The following OR2C1 variants were observed in gnomAD, a reference collection of about 807,000 sequenced individuals.
OR2C1 encodes olfactory receptor family 2 subfamily C member 1, also known as olfactory receptor 2C1.
For synonymous variants in OR2C1, 209 were observed against 167.3 expected (o/e 1.25, Z -1.92); for missense variants, 468 against 388.3 (o/e 1.21, Z -1.73).
upstream of OR2C1, among the ~76,000 whole-genome samples, chr16:3,351,718 C>G (rs1345801616): frequency 6.6e-6 from 1 of 152,108 alleles, no homozygotes; most frequent in Non-Finnish European, 1.5e-5. Context: ...CATGGAACCT[C>G]CTTTTGTTCA....
chr16:3,340,356 A>G, the OR2C1 span, among the ~76,000 whole-genome samples: 27 of 152,162 alleles, frequency 1.8e-4, no homozygotes, highest in African/African-American at 6.5e-4. Context: ...TATATATTCT[A>G]GATATTAAAC....
chr16:3,330,337 C>T, the OR2C1 span, among the ~76,000 whole-genome samples: 6 of 151,774 alleles, frequency 4.0e-5, no homozygotes, highest in African/African-American at 1.5e-4. Flanking sequence ...AGGATGGTCT[C>T]GATCTCCTGA....
the OR2C1 span, among the ~76,000 whole-genome samples, chr16:3,339,648 G>A: frequency 6.6e-6 from 1 of 151,900 alleles, no homozygotes; most frequent in Admixed American, 6.6e-5. Context: ...AGTAGACATG[G>A]GGTTTCACCG....
upstream of OR2C1, among the ~76,000 whole-genome samples, chr16:3,352,181 A>C (rs1291787420): frequency 4.6e-5 from 7 of 151,938 alleles, no homozygotes; most frequent in Non-Finnish European, 1.5e-5. Flanking sequence ...CAGTGGTGCA[A>C]TCTTGGCTCA....
chr16:3,350,601 C>T, the OR2C1 span, among the ~76,000 whole-genome samples: 718 of 149,924 alleles, frequency 4.8e-3, 6 homozygotes, highest in South Asian at 0.044. Flanking sequence ...TTACTGGAGA[C>T]GGGGTTTCAC....
At chr16:3,331,048 G>C in the OR2C1 span, among the ~76,000 whole-genome samples, 36 of 152,292 alleles carry the variant, frequency 2.4e-4, no homozygotes, top group Admixed American at 8.5e-4. Flanking sequence ...TCCAGCACCT[G>C]TTGTTTCCTG....
At chr16:3,341,407 C>T in the OR2C1 span, among the ~76,000 whole-genome samples, 3 of 152,022 alleles carry the variant, frequency 2.0e-5, no homozygotes, top group Non-Finnish European at 2.9e-5. Flanking sequence ...GATAGTTTTA[C>T]TTCTTTCTAA....
the OR2C1 span, among the ~76,000 whole-genome samples, chr16:3,335,386 T>C: frequency 7.7e-3 from 1,167 of 152,280 alleles, 17 homozygotes; most frequent in African/African-American, 0.025. Flanking sequence ...TATCTTTGTA[T>C]AATCTTTTAC....
upstream of OR2C1, among the ~76,000 whole-genome samples, chr16:3,351,226 C>CTTTTTTTTTTT (rs146153498): frequency 1.5e-4 from 2 of 13,270 alleles, no homozygotes; most frequent in African/African-American, 3.3e-4. Context: ...TTTTCTTTTT[C>CTTTTTTTTTTT]TTTTTTTTTT....
the OR2C1 span, among the ~76,000 whole-genome samples, chr16:3,331,356 TA>T: frequency 6.6e-6 from 1 of 151,518 alleles, no homozygotes; most frequent in East Asian, 1.9e-4. Flanking sequence ...ACTCTGATGG[TA>T]GTTTCTTTTG....
chr16:3,349,118 C>A, the OR2C1 span, among the ~76,000 whole-genome samples: 1 of 152,108 alleles, frequency 6.6e-6, no homozygotes, highest in Non-Finnish European at 1.5e-5. Flanking sequence ...TCCACCACCC[C>A]CCTCCCCCAC....
At chr16:3,333,210 C>CTTTTTTTTT in the OR2C1 span, among the ~76,000 whole-genome samples, 37 of 33,048 alleles carry the variant, frequency 1.1e-3, 11 homozygotes, top group South Asian at 5.7e-3. Context: ...ATCTTTTGCC[C>CTTTTTTTTT]ATTTTTTTTT....
the OR2C1 span, among the ~76,000 whole-genome samples, chr16:3,338,128 G>C: frequency 9.2e-5 from 14 of 152,200 alleles, no homozygotes; most frequent in African/African-American, 3.4e-4. Flanking sequence ...TTTGGGTCCA[G>C]AGCACCCGTG....
upstream of OR2C1, among the ~76,000 whole-genome samples, chr16:3,352,827 C>T (rs907881693): frequency 2.6e-5 from 4 of 151,250 alleles, no homozygotes; most frequent in South Asian, 4.2e-4. Flanking sequence ...CTGCAAACTC[C>T]GCCTCCTGGG....
the OR2C1 span, among the ~76,000 whole-genome samples, chr16:3,329,995 C>T: frequency 0.8 from 120,906 of 150,408 alleles, 48,574 homozygotes; most frequent in East Asian, 0.93. Flanking sequence ...CCTTGTGATC[C>T]GCCCGCCTCG....
At chr16:3,337,910 T>C in the OR2C1 span, among the ~76,000 whole-genome samples, 2 of 152,240 alleles carry the variant, frequency 1.3e-5, no homozygotes, top group Non-Finnish European at 2.9e-5. Context: ...AGGGATTCTT[T>C]GTAATTTATC....
the OR2C1 span, chr16:3,323,413 T>C: frequency 2.6e-6 from 2 of 777,444 alleles, no homozygotes; most frequent in Non-Finnish European, 4.6e-6. Context: ...CCTCAATCAC[T>C]GTGTTGTCTG....
At chr16:3,343,473 C>T in the OR2C1 span, among the ~76,000 whole-genome samples, 184 of 152,222 alleles carry the variant, frequency 1.2e-3, no homozygotes, top group African/African-American at 3.3e-3. Flanking sequence ...CAAAATTGGC[C>T]GGGCGCGGTG....
At chr16:3,331,529 T>A in the OR2C1 span, among the ~76,000 whole-genome samples, 1 of 150,722 alleles carries the variant, frequency 6.6e-6, no homozygotes, top group Non-Finnish European at 1.5e-5. Flanking sequence ...AGGTCTAACG[T>A]TTAAGTCTTT....
Sources: gnomAD v4.1 joint callset for allele counts (sites outside exome capture counted in the v4.1 genomes callset) on GRCh38, gnomAD v4.1.1 for gene constraint, MANE v1.5 for transcripts, NCBI Gene and HGNC (gene_info 2026-07-23, HGNC 2026-07-21) for gene names.